The following SEMA6D variants were observed in gnomAD, a reference collection of about 807,000 sequenced individuals.
SEMA6D encodes semaphorin-6D.
A neutral mutation model predicts 106.6 loss-of-function variants in SEMA6D; 35 were observed. The ratio of observed to expected loss-of-function variants is 0.33; its 90% CI spans 0.25 to 0.44. The LOEUF is 0.44. Ranked by LOEUF, SEMA6D falls within the 20% of genes least tolerant of loss-of-function variation. The probability of loss-of-function intolerance (pLI) is 1.00; values close to 1 mark genes in which losing one functional copy is unlikely to be tolerated. For missense variants in SEMA6D, 1,185 were observed against 1,345.9 expected, an observed-to-expected ratio of 0.88 and a Z score of 1.87; for synonymous variants, 499 against 487.7, an observed-to-expected ratio of 1.02 and a Z score of -0.31.
rs542413727 is a variant in SEMA6D at position 47,416,827 on chromosome 15, T to C, written c.-159+4355T>C. Among the ~76,000 whole-genome samples the C allele has an allele frequency of 2.6e-5, 4 of 152,286 alleles. No individual in the cohort carries two copies. The South Asian group carries it at 8.3e-4, about 32-fold the overall frequency. ...TTCAGAAAACTGCAAGTATTTTCTATTCTAGTCACCCCCTATTACTTTGCA... is the reference window on the plus strand; with the variant it reads ...TTCAGAAAACTGCAAGTATTTTCTACTCTAGTCACCCCCTATTACTTTGCA... On this transcript the variant is annotated intron_variant, in intron 2 of 19. Transcript: ENST00000558014.
At chr15:47,619,656 G>A (rs1487611724) in intron 4 of SEMA6D, among the ~76,000 whole-genome samples, 4 of 152,192 alleles carry the variant, frequency 2.6e-5, no homozygotes, top group Non-Finnish European at 4.4e-5. Flanking sequence ...CCAGAAGTCT[G>A]TTTTTAACAA....
intron 1 of SEMA6D, among the ~76,000 whole-genome samples, chr15:47,244,761 G>A (rs2033108286): frequency 6.6e-6 from 1 of 152,162 alleles, no homozygotes; most frequent in Admixed American, 6.5e-5. Flanking sequence ...TATATTGCAT[G>A]ATGCTGAGAA....
intron 4 of SEMA6D, among the ~76,000 whole-genome samples, chr15:47,633,182 A>G (rs12164939): frequency 0.013 from 1,926 of 152,202 alleles, 43 homozygotes; most frequent in African/African-American, 0.044. Flanking sequence ...ATACTTGATT[A>G]TAGTTATTCT....
chr15:47,505,940 G>T (rs949590895), intron 3 of SEMA6D, among the ~76,000 whole-genome samples: 2 of 152,116 alleles, frequency 1.3e-5, no homozygotes, highest in Non-Finnish European at 2.9e-5. Context: ...TGATTGCAGA[G>T]ATACTCCAGT....
At chr15:47,489,010 A>G (rs890118065) in intron 3 of SEMA6D, among the ~76,000 whole-genome samples, 2 of 152,202 alleles carry the variant, frequency 1.3e-5, no homozygotes, top group Non-Finnish European at 2.9e-5. Context: ...AGGGAATATG[A>G]GCTTATTTGG....
chr15:47,261,805 A>G lies in SEMA6D; in HGVS notation c.-239+77387A>G, dbSNP rs147510366. Among the ~76,000 whole-genome samples, 218 of 152,272 alleles carry G rather than the reference A, an allele frequency of 1.4e-3. 2 individuals carry two copies. Among genetic ancestry groups the G allele is most frequent in the African/African-American group, 5.1e-3 (211 of 41,560 alleles). On this transcript the variant is annotated intron_variant, in intron 1 of 19. Coordinates refer to the SEMA6D transcript ENST00000558014. The stretch of plus-strand genomic sequence containing the variant: ...TTCTGACTATCTGCTTTCACTTAGC[A>G]TAAAGTTTTTGAGGTTAATTCATGT...
At chr15:47,395,735 C>CA (rs2145894274) in intron 1 of SEMA6D, 1 of 152,304 alleles carries the variant, frequency 6.6e-6, no homozygotes, top group Admixed American at 6.5e-5. Context: ...ACTTAAAACA[C>CA]ACAGAAGAAA....
In SEMA6D at chr15:47,771,730, C is replaced by T; in HGVS notation, c.3167C>T (p.Pro1056Leu). Residue 1056 changes from proline (P) to leucine (L), a missense_variant, in exon 19 of 19, where the codon CCT becomes CTT. Pro to Leu is a moderately conservative substitution (Grantham distance 98). This residue lies in a region of SEMA6D where 750 missense variants were observed against 783.5 expected (regional missense o/e 0.96). Coordinates refer to ENST00000536845, the MANE Select transcript of SEMA6D (RefSeq NM_001358351.3). ...TTAAAACCTGACGTGCCACCAAAGC[C>T]TTCCTTTGTTCCTCAAACCCCATCT... is the stretch of plus-strand genomic sequence containing the variant. Reference protein sequence around the residue: ...PSLKPDVPPKPSFVPQTPSVR... With the variant: ...PSLKPDVPPKLSFVPQTPSVR... The T allele has an allele frequency of 6.2e-7, 1 of 1,614,056 alleles. No individual in the cohort carries two copies. Among genetic ancestry groups the T allele is most frequent in the Non-Finnish European group, 8.5e-7 (1 of 1,179,940 alleles).
intron 4 of SEMA6D, among the ~76,000 whole-genome samples, chr15:47,660,213 G>C (rs577142491): frequency 6.6e-6 from 1 of 151,590 alleles, no homozygotes; most frequent in African/African-American, 2.4e-5. Flanking sequence ...AAAAACCTGA[G>C]AAATAGGTAA....
intron 1 of SEMA6D, among the ~76,000 whole-genome samples, chr15:47,190,657 C>T (rs1258546806): frequency 1.3e-5 from 2 of 152,264 alleles, no homozygotes; most frequent in East Asian, 1.9e-4. Context: ...TTATACATGA[C>T]CTCATGAGGC....
intron 1 of SEMA6D, among the ~76,000 whole-genome samples, chr15:47,341,711 C>T (rs1444273057): frequency 6.6e-6 from 1 of 152,126 alleles, no homozygotes; most frequent in Non-Finnish European, 1.5e-5. Flanking sequence ...GATTCTCATA[C>T]ACAGTTTCAA....
chr15:47,486,649 G>A (rs748927063), intron 3 of SEMA6D, among the ~76,000 whole-genome samples: 37 of 152,182 alleles, frequency 2.4e-4, no homozygotes, highest in Middle Eastern at 3.2e-3. Context: ...TTTTCCACCT[G>A]GCCAAAGACA....
chr15:47,676,479 T>G (rs2078248279), intron 4 of SEMA6D, among the ~76,000 whole-genome samples: 1 of 152,220 alleles, frequency 6.6e-6, no homozygotes, highest in Admixed American at 6.5e-5. Context: ...TGGTCAACAA[T>G]TAGTGCCATG....
intron 1 of SEMA6D, among the ~76,000 whole-genome samples, chr15:47,324,227 G>C (rs2037037296): frequency 6.6e-6 from 1 of 152,046 alleles, no homozygotes; most frequent in African/African-American, 2.4e-5. Flanking sequence ...TCACAATCCA[G>C]ATATAACCAT....
intron 3 of SEMA6D, among the ~76,000 whole-genome samples, chr15:47,495,857 A>G (rs968152616): frequency 6.6e-6 from 1 of 152,094 alleles, no homozygotes; most frequent in Non-Finnish European, 1.5e-5. Flanking sequence ...AGTATTTAAA[A>G]GGTGCCCTTC....
chr15:47,626,100 G>A (rs187078820), intron 4 of SEMA6D, among the ~76,000 whole-genome samples: 31 of 152,260 alleles, frequency 2.0e-4, no homozygotes, highest in Admixed American at 2.0e-3. Flanking sequence ...TTCTAGGCAG[G>A]TAGAGTTGGA....
intron 3 of SEMA6D, among the ~76,000 whole-genome samples, chr15:47,553,894 G>C (rs2045840266): frequency 6.6e-6 from 1 of 152,152 alleles, no homozygotes; most frequent in Non-Finnish European, 1.5e-5. Flanking sequence ...ACTATCCCAA[G>C]AGCAATGCAT....
chr15:47,747,099 A>T (rs2081187077), intron 1 of SEMA6D, among the ~76,000 whole-genome samples: 1 of 151,910 alleles, frequency 6.6e-6, no homozygotes, highest in Admixed American at 6.6e-5. Context: ...ATCTTCCCGG[A>T]TAGCAGATTT....
At chr15:47,686,213 G>A (rs2078464873) in intron 4 of SEMA6D, among the ~76,000 whole-genome samples, 1 of 151,890 alleles carries the variant, frequency 6.6e-6, no homozygotes, top group South Asian at 2.1e-4. Flanking sequence ...CATTTGCAAT[G>A]GTTCACAAGT....
Sources: allele counts gnomAD v4.1 joint callset (sites outside exome capture counted in the v4.1 genomes callset), GRCh38; gene constraint gnomAD v4.1.1; regional missense constraint gnomAD v4.1.1; transcripts MANE v1.5; gene names NCBI Gene and HGNC (gene_info 2026-07-23, HGNC 2026-07-21).